The following NCALD variants were observed in gnomAD, a reference collection of about 807,000 sequenced individuals.
The protein encoded by NCALD is neurocalcin-delta.
In NCALD, 10 loss-of-function variants were observed where a neutral mutation model predicts 18.6. The ratio of observed to expected loss-of-function variants is 0.54; its 90% CI spans 0.33 to 0.91. The LOEUF (loss-of-function observed/expected upper bound fraction) is 0.91, where lower values mean the gene tolerates loss of function less well. NCALD is among the 40% of genes least tolerant of loss of function. The probability of loss-of-function intolerance (pLI) is 0.03; values close to 1 mark genes in which losing one functional copy is unlikely to be tolerated. For synonymous variants in NCALD, 88 were observed against 87.4 expected, an observed-to-expected ratio of 1.01 and a Z score of -0.04; for missense variants, 184 against 247.6, an observed-to-expected ratio of 0.74 and a Z score of 1.72.
At chr8:102,090,998 G>C (rs1299426678) in intron 1 of NCALD, among the ~76,000 whole-genome samples, 1 of 152,124 alleles carries the variant, frequency 6.6e-6, no homozygotes, top group Non-Finnish European at 1.5e-5. Context: ...TTCCTGACCT[G>C]TGGTAAGTAA....
chr8:102,066,343 T>C (rs1824008167), intron 1 of NCALD, among the ~76,000 whole-genome samples: 1 of 152,244 alleles, frequency 6.6e-6, no homozygotes, highest in Non-Finnish European at 1.5e-5. Context: ...GCATACGCTT[T>C]TTACCCAAGG....
intron 2 of NCALD, among the ~76,000 whole-genome samples, chr8:101,950,549 C>T (rs1328705379): frequency 6.6e-6 from 1 of 152,190 alleles, no homozygotes; most frequent in African/African-American, 2.4e-5. Flanking sequence ...TTTGTAGTCA[C>T]TCCCACTAAA....
At chr8:101,691,278 AAATTT>A in intron 3 of NCALD, 1 of 985,314 alleles carries the variant, frequency 1.0e-6, no homozygotes, top group Non-Finnish European at 1.2e-6. Context: ...TAACCTTTGA[AAATTT>A]AATTTAATTT....
intron 4 of NCALD, among the ~76,000 whole-genome samples, chr8:101,873,854 G>C (rs1176012011): frequency 6.6e-6 from 1 of 152,196 alleles, no homozygotes; most frequent in Non-Finnish European, 1.5e-5. Flanking sequence ...AAATGTTTCT[G>C]AATGGATAAA....
intron 1 of NCALD, among the ~76,000 whole-genome samples, chr8:102,062,780 G>A (rs1295764498): frequency 1.3e-5 from 2 of 152,096 alleles, no homozygotes; most frequent in Non-Finnish European, 2.9e-5. Flanking sequence ...GAGTACAAGG[G>A]GCCAAGCCAA....
intron 1 of NCALD, chr8:101,786,184 C>T (rs1458906147): frequency 6.6e-6 from 1 of 152,146 alleles, no homozygotes; most frequent in African/African-American, 2.4e-5. Flanking sequence ...TGGGGTCTGG[C>T]TCAATGCCTG....
At chr8:101,966,011 G>A (rs1820011861) in intron 2 of NCALD, among the ~76,000 whole-genome samples, 1 of 151,904 alleles carries the variant, frequency 6.6e-6, no homozygotes, top group Non-Finnish European at 1.5e-5. Flanking sequence ...AATGTTTTAG[G>A]AACATTCTTG....
chr8:101,791,756 A>G (rs3808362), upstream of NCALD, among the ~76,000 whole-genome samples: 1,047 of 152,294 alleles, frequency 6.9e-3, 30 homozygotes, highest in Admixed American at 0.05. Flanking sequence ...TTGGGGCCAT[A>G]CGGGTGCCAA....
intron 2 of NCALD, among the ~76,000 whole-genome samples, chr8:101,710,221 G>A (rs1385234189): frequency 2.0e-5 from 3 of 152,202 alleles, no homozygotes; most frequent in Non-Finnish European, 2.9e-5. Flanking sequence ...GTGAGGAATG[G>A]TGCACTCTGG....
intron 4 of NCALD, among the ~76,000 whole-genome samples, chr8:101,865,433 G>A (rs190235049): frequency 1.3e-5 from 2 of 152,258 alleles, no homozygotes; most frequent in African/African-American, 2.4e-5. Context: ...AGTCCTTTGG[G>A]AATAGAAACT....
At chr8:102,042,305 AT>A (rs1200751362) in intron 1 of NCALD, among the ~76,000 whole-genome samples, 1 of 151,952 alleles carries the variant, frequency 6.6e-6, no homozygotes, top group African/African-American at 2.4e-5. Flanking sequence ...TGTGAGAAGG[AT>A]TTCTTTGGAG....
intron 2 of NCALD, among the ~76,000 whole-genome samples, chr8:101,953,416 C>T (rs997965964): frequency 6.6e-6 from 1 of 152,198 alleles, no homozygotes; most frequent in East Asian, 1.9e-4. Flanking sequence ...AGCTCTCTTG[C>T]CTCCAATCTG....
At chr8:101,801,888 C>G (rs1350797675) in intron 4 of NCALD, among the ~76,000 whole-genome samples, 2 of 151,632 alleles carry the variant, frequency 1.3e-5, no homozygotes, top group East Asian at 1.9e-4. Flanking sequence ...GGATGGTCTC[C>G]ATCTCCTGAC....
intron 1 of NCALD, among the ~76,000 whole-genome samples, chr8:102,027,329 T>C (rs916417442): frequency 2.2e-4 from 34 of 152,350 alleles, no homozygotes; most frequent in African/African-American, 7.2e-4. Context: ...AGAAATTTCT[T>C]CTGCCAGATA....
rs550019590 is a variant in NCALD, at chr8:101,692,674, G to A, written c.484+117C>T. ...CCTCTCCCCTCCTACCCACCCAGGA[G>A]GCTTGGAGGATGAGCCGCTCACATT... On this transcript the variant is annotated intron_variant, in intron 3 of 3. Coordinates refer to ENST00000220931, the MANE Select transcript of NCALD (RefSeq NM_032041.3). 1.7e-3 allele frequency: 2,432 copies of A among 1,404,408 alleles called. 7 individuals carry two copies. The highest frequency in any genetic ancestry group is 2.2e-3 in the Admixed American group (100 of 44,892). 87.0% of individuals were successfully genotyped at this position (1,404,408 alleles called of 1,614,324 possible).
rs375826977 is a variant in NCALD, at chr8:101,934,098, A to C, written c.-156-18240T>G. On this transcript the variant is annotated intron_variant, in intron 2 of 6. Coordinates refer to the NCALD transcript ENST00000311028. ...AGAGGATTACATATCATTCAGAGGAAAGCAAGCCTCAAAAACAACCTCTTG... is the reference window on the plus strand; with the variant it reads ...AGAGGATTACATATCATTCAGAGGACAGCAAGCCTCAAAAACAACCTCTTG... Among the ~76,000 whole-genome samples, 246 of 152,242 alleles carry C rather than the reference A, an allele frequency of 1.6e-3. 3 individuals carry two copies. The highest frequency in any genetic ancestry group is 5.5e-3 in the African/African-American group (230 of 41,538).
intron 2 of NCALD, among the ~76,000 whole-genome samples, chr8:101,999,530 G>A (rs974991060): frequency 1.3e-5 from 2 of 152,244 alleles, no homozygotes; most frequent in Middle Eastern, 3.4e-3. Context: ...AAAGGGTAGG[G>A]AGGTGAGGAA....
chr8:101,880,093 C>T (rs147747592), intron 4 of NCALD, among the ~76,000 whole-genome samples: 1,457 of 77,974 alleles, frequency 0.019, 59 homozygotes, highest in East Asian at 0.15. Context: ...GGAGGGGGGG[C>T]GGTGAGGGAG....
chr8:101,970,226 A>T (rs1820189099), intron 2 of NCALD, among the ~76,000 whole-genome samples: 1 of 152,228 alleles, frequency 6.6e-6, no homozygotes, highest in Admixed American at 6.5e-5. Flanking sequence ...TAACCTCTTT[A>T]ATGCCTTCTA....
Sources: allele counts gnomAD v4.1 joint callset (sites outside exome capture counted in the v4.1 genomes callset), GRCh38; gene constraint gnomAD v4.1.1; transcripts MANE v1.5; gene names NCBI Gene and HGNC (gene_info 2026-07-23, HGNC 2026-07-21).